Variants in PCDHGA1 observed in about 807,000 individuals in gnomAD.
PCDHGA1 encodes protocadherin gamma-A1.
A neutral mutation model predicts 58.0 loss-of-function variants in PCDHGA1; 32 were observed. That is an observed-to-expected ratio of 0.55 (90% CI 0.42 to 0.74). The LOEUF (loss-of-function observed/expected upper bound fraction) is 0.74, where lower values mean the gene tolerates loss of function less well. PCDHGA1 is among the 30% of genes least tolerant of loss of function. PCDHGA1 has a pLI of 0.00. For synonymous variants in PCDHGA1, 498 were observed against 501.1 expected, an observed-to-expected ratio of 0.99 and a Z score of 0.08; for missense variants, 1,205 against 1,182.3, an observed-to-expected ratio of 1.02 and a Z score of -0.28.
At chr5:141,361,631 G>T (rs534427524) in intron 1 of PCDHGA1, 1 of 1,613,902 alleles carries the variant, frequency 6.2e-7, no homozygotes, top group Non-Finnish European at 8.5e-7. Context: ...CTGAAGCCGC[G>T]GGAGATTTTA....
intron 1 of PCDHGA1, chr5:141,423,967 A>T (rs760284844): frequency 5.2e-6 from 6 of 1,153,616 alleles, no homozygotes; most frequent in Non-Finnish European, 6.5e-6. Context: ...TTTTTCTATT[A>T]TCAGTGTATG....
intron 1 of PCDHGA1, chr5:141,418,256 T>C: frequency 1.2e-6 from 2 of 1,614,046 alleles, no homozygotes; most frequent in Non-Finnish European, 1.7e-6. Context: ...CGCCCCTCAA[T>C]TCCGGAAAGA....
intron 1 of PCDHGA1, chr5:141,361,341 C>G: frequency 6.2e-7 from 1 of 1,613,988 alleles, no homozygotes; most frequent in South Asian, 1.1e-5. Context: ...AGAACTATTA[C>G]AAACTAGTGA....
rs1423149 is a variant in PCDHGA1, at chr5:141,487,780, C to G, written c.2422-7027C>G. ...TAGACGCTGTGCTTTGTAACTGTTTCGTGAATTAACCAGAGTTGTCACAGT... is the reference window on the plus strand; with the variant it reads ...TAGACGCTGTGCTTTGTAACTGTTTGGTGAATTAACCAGAGTTGTCACAGT... On this transcript the variant is annotated intron_variant, in intron 1 of 3. Transcript: ENST00000517417. This position sits in a 1 kb window ranked among gnomAD's most constrained non-coding sequence, Gnocchi z 5.0. 6.6e-7 allele frequency: 1 copy of G among 1,526,704 alleles called. No individual in the cohort carries two copies. The allele number at this position is 1,526,704 out of a possible 1,614,324, so 94.6% of individuals were successfully genotyped here. A position where few individuals can be genotyped will look rare whatever the true frequency, so the allele number is the denominator to read the frequency against.
At chr5:141,481,844 G>A (rs552753850) in intron 1 of PCDHGA1, among the ~76,000 whole-genome samples, 7 of 151,350 alleles carry the variant, frequency 4.6e-5, no homozygotes, top group Admixed American at 1.3e-4. Context: ...TCGCTTGATG[G>A]TGGAGGTTGC....
At chr5:141,414,026 C>A in intron 1 of PCDHGA1, 1 of 1,612,468 alleles carries the variant, frequency 6.2e-7, no homozygotes, top group Non-Finnish European at 8.5e-7. Flanking sequence ...GTGACATATT[C>A]ATTCCGAAAA....
chr5:141,464,290 A>AC (rs1287070540), intron 1 of PCDHGA1, among the ~76,000 whole-genome samples: 1 of 149,916 alleles, frequency 6.7e-6, no homozygotes, highest in Non-Finnish European at 1.5e-5. Context: ...AAAAAAAAAA[A>AC]CTCCATTGTA....
chr5:141,404,682 T>G lies in PCDHGA1; in HGVS notation c.2421+71577T>G, dbSNP rs766278950. 2.5e-6 allele frequency: 4 copies of G among 1,613,914 alleles called. No individual in the cohort carries two copies. Among genetic ancestry groups the G allele is most frequent in the Non-Finnish European group, 2.5e-6 (3 of 1,179,906 alleles). On this transcript the variant is annotated intron_variant, in intron 1 of 3. Coordinates refer to ENST00000517417, the MANE Select transcript of PCDHGA1 (RefSeq NM_018912.3). ...ACTGATGGTTCTACTGGTGTGGAGC[T>G]GGCACCCCGCTCTGCAGAGCCTGGC...
Position 141,491,706 on chromosome 5 carries a change from G to T in PCDHGA1, c.2422-3101G>T. 6.2e-7 allele frequency: 1 copy of T among 1,611,088 alleles called. No individual in the cohort carries two copies. Among genetic ancestry groups the T allele is most frequent in the Non-Finnish European group, 8.5e-7 (1 of 1,178,772 alleles). On this transcript the variant is annotated intron_variant, in intron 1 of 3. Coordinates refer to ENST00000517417, the MANE Select transcript of PCDHGA1 (RefSeq NM_018912.3). The surrounding 1 kb of genome is among the most constrained non-coding windows in gnomAD (Gnocchi z 6.9). Reference sequence around the variant, plus strand: ...CGCTGCGGGAGCGGAGCCAGGTGAGGGGCTCGGCGCCGCCCCGGGCGACCC... The same window carrying T: ...CGCTGCGGGAGCGGAGCCAGGTGAGTGGCTCGGCGCCGCCCCGGGCGACCC...
At chr5:141,410,846 TGTC>T (rs1025068052) in intron 1 of PCDHGA1, 5 of 423,660 alleles carry the variant, frequency 1.2e-5, no homozygotes, top group South Asian at 4.0e-5. Flanking sequence ...ATTTTGTCTT[TGTC>T]TTTTTTTTTT....
At chr5:141,380,088 T>A (rs1292073938) in intron 1 of PCDHGA1, among the ~76,000 whole-genome samples, 1 of 151,730 alleles carries the variant, frequency 6.6e-6, no homozygotes, top group Non-Finnish European at 1.5e-5. Flanking sequence ...TTAGTAGAGA[T>A]GGGGTTTTAC....
rs766133958 is a variant in PCDHGA1, at chr5:141,403,000, A to G, written c.2421+69895A>G. 27 of 1,613,862 alleles carry G rather than the reference A, an allele frequency of 1.7e-5. No individual in the cohort carries two copies. Among genetic ancestry groups the G allele is most frequent in the Middle Eastern group, 1.6e-4 (1 of 6,082 alleles). ...AGCTCCGCGGAAGATTAGTCCTGCT[A>G]TGCTCGCTCCTGGGGATGCTATGGG... On this transcript the variant is annotated intron_variant, in intron 1 of 3. Transcript: ENST00000517417.
chr5:141,335,697 TCTACAA>T (rs1756579557), intron 1 of PCDHGA1, among the ~76,000 whole-genome samples: 2 of 152,124 alleles, frequency 1.3e-5, no homozygotes, highest in Admixed American at 6.6e-5. Context: ...AAGCAGACAA[TCTACAA>T]GTTTATTACC....
At chr5:141,441,004 C>G (rs1258800474) in intron 1 of PCDHGA1, 1 of 152,066 alleles carries the variant, frequency 6.6e-6, no homozygotes, top group African/African-American at 2.4e-5. Flanking sequence ...TCTAGTTTGG[C>G]CTTGATCAAA....
At chr5:141,388,126 G>T (rs531546122) in intron 1 of PCDHGA1, 7 of 1,431,030 alleles carry the variant, frequency 4.9e-6, no homozygotes, top group East Asian at 2.4e-5. Flanking sequence ...AGCGCAGAGA[G>T]CGGGGAGTTG....
In PCDHGA1 at chr5:141,389,513, C is replaced by A. The variant is rs749432491; in HGVS notation, c.2421+56408C>A. 2.5e-6 allele frequency: 4 copies of A among 1,613,038 alleles called. No homozygotes were observed. The Admixed American group carries it at 5.0e-5, about 20-fold the overall frequency. On this transcript the variant is annotated intron_variant, in intron 1 of 3. Coordinates refer to ENST00000517417, the MANE Select transcript of PCDHGA1 (RefSeq NM_018912.3). ...AGGGCTCGCCAGCGCTCAGCGCGAACGTGAGCCTGCGCGTGTTAGTGGACG... is the reference window on the plus strand; with the variant it reads ...AGGGCTCGCCAGCGCTCAGCGCGAAAGTGAGCCTGCGCGTGTTAGTGGACG...
chr5:141,394,238 T>G, intron 1 of PCDHGA1: 1 of 1,613,934 alleles, frequency 6.2e-7, no homozygotes, highest in Non-Finnish European at 8.5e-7. Context: ...TTTCCTTGAC[T>G]GCACACGACC....
At chr5:141,357,187 G>A in intron 1 of PCDHGA1, 4 of 1,613,774 alleles carry the variant, frequency 2.5e-6, no homozygotes, top group Non-Finnish European at 3.4e-6. Context: ...ACTCACTGTG[G>A]CTGTGGCCGA....
chr5:141,461,230 G>T (rs945407206), intron 1 of PCDHGA1, among the ~76,000 whole-genome samples: 2 of 152,024 alleles, frequency 1.3e-5, no homozygotes, highest in African/African-American at 4.8e-5. Flanking sequence ...TTCCATAGAG[G>T]TTGTACTAAT....
Sources: allele counts gnomAD v4.1 joint callset (sites outside exome capture counted in the v4.1 genomes callset), GRCh38; gene constraint gnomAD v4.1.1; non-coding constraint Gnocchi (gnomAD v3.1); transcripts MANE v1.5; gene names NCBI Gene and HGNC (gene_info 2026-07-23, HGNC 2026-07-21).